The following PPP2R2C variants were observed in gnomAD, a reference collection of about 807,000 sequenced individuals.
PPP2R2C encodes protein phosphatase 2 regulatory subunit Bgamma.
In PPP2R2C, 10 loss-of-function variants were observed where a neutral mutation model predicts 45.3. The ratio of observed to expected loss-of-function variants is 0.22; its 90% CI spans 0.14 to 0.37. The LOEUF is 0.37. Among genes scored for constraint, PPP2R2C ranks in the 10% least tolerant of loss-of-function variants. The probability of loss-of-function intolerance (pLI) is 1.00; values close to 1 mark genes in which losing one functional copy is unlikely to be tolerated. For synonymous variants in PPP2R2C, 257 were observed against 245.4 expected (o/e 1.05, Z -0.44); for missense variants, 308 against 619.7 (o/e 0.50, Z 5.34).
At chr4:6,553,886 CA>C (rs1464402337) in intron 1 of PPP2R2C, among the ~76,000 whole-genome samples, 1 of 152,104 alleles carries the variant, frequency 6.6e-6, no homozygotes, top group Non-Finnish European at 1.5e-5. Context: ...CCTTCTCTAC[CA>C]GGCCACCCAG....
chr4:6,371,085 C>T (rs1013207413), intron 5 of PPP2R2C, among the ~76,000 whole-genome samples: 7 of 152,188 alleles, frequency 4.6e-5, no homozygotes, highest in East Asian at 1.9e-4. Context: ...GGCTCACTGA[C>T]GGCACCCCAC....
At chr4:6,541,902 T>G (rs1265874145) in intron 1 of PPP2R2C, among the ~76,000 whole-genome samples, 1 of 152,206 alleles carries the variant, frequency 6.6e-6, no homozygotes, top group Admixed American at 6.5e-5. Flanking sequence ...GGCAGGAAAT[T>G]GCTGACTGAG....
chr4:6,458,536 A>G (rs536810671), intron 1 of PPP2R2C, among the ~76,000 whole-genome samples: 12 of 152,188 alleles, frequency 7.9e-5, no homozygotes, highest in Non-Finnish European at 1.8e-4. Flanking sequence ...CACCTTTTAA[A>G]TACCCTCACA....
Position 6,324,565 on chromosome 4 carries a change from CACCAG to C in PPP2R2C, c.1053-977_1053-973del, listed in dbSNP as rs1731797447. Among the ~76,000 whole-genome samples the C allele has an allele frequency of 2.6e-5, 4 of 152,310 alleles. No homozygotes were observed. The highest frequency in any genetic ancestry group is 9.6e-5 in the African/African-American group (4 of 41,572). On this transcript the variant is annotated intron_variant, in intron 8 of 8. Transcript: ENST00000382599. The surrounding 1 kb of genome is among the most constrained non-coding windows in gnomAD (Gnocchi z 4.1). ...CATGGAAGCAGCTGGGACAGAAAAC[CACCAG>C]GCCCTGCTTCCCTCCAGGGGCCCGC...
At chr4:6,395,710 C>T (rs1268273017) in intron 1 of PPP2R2C, among the ~76,000 whole-genome samples, 2 of 152,204 alleles carry the variant, frequency 1.3e-5, no homozygotes, top group Non-Finnish European at 2.9e-5. Context: ...GCGCTGGCCC[C>T]GTGACTGCTG....
At chr4:6,543,188 C>T (rs972685245) in intron 1 of PPP2R2C, among the ~76,000 whole-genome samples, 5 of 152,314 alleles carry the variant, frequency 3.3e-5, no homozygotes, top group Admixed American at 6.5e-5. Context: ...GATGCACCAC[C>T]GCAGCCCCTG....
intron 5 of PPP2R2C, chr4:6,349,468 G>A (rs1412425929): frequency 1.0e-6 from 1 of 985,098 alleles, no homozygotes; most frequent in East Asian, 1.1e-4. Flanking sequence ...ATGAATGTCA[G>A]TTTCCATTTT....
At chr4:6,419,252 T>TA (rs1718806750) in intron 1 of PPP2R2C, among the ~76,000 whole-genome samples, 1 of 151,984 alleles carries the variant, frequency 6.6e-6, no homozygotes, top group Non-Finnish European at 1.5e-5. Context: ...ACCCCATCTC[T>TA]ACTAAAAACA....
rs528703606 is a variant in PPP2R2C at position 6,441,470 on chromosome 4, G to T, written c.70+30690C>A. On this transcript the variant is annotated intron_variant, in intron 1 of 8. Coordinates refer to ENST00000382599, the MANE Select transcript of PPP2R2C (RefSeq NM_020416.4). ...CCTGGTTCCCAGCCTGCAAGTCACA[G>T]TCTTGCCCTCCTGAGCTGCCACCAG... 6.6e-4 allele frequency among the ~76,000 whole-genome samples: 101 copies of T among 152,240 alleles called. 1 individual carries two copies. The highest frequency in any genetic ancestry group is 2.3e-3 in the African/African-American group (94 of 41,568).
intron 2 of PPP2R2C, among the ~76,000 whole-genome samples, chr4:6,534,929 C>T (rs1203692003): frequency 3.3e-5 from 5 of 152,238 alleles, no homozygotes; most frequent in Non-Finnish European, 7.3e-5. Flanking sequence ...GGGCACTCAA[C>T]ACTGTTGGCC....
At chr4:6,392,466 G>A (rs1342008111) in intron 1 of PPP2R2C, among the ~76,000 whole-genome samples, 1 of 152,162 alleles carries the variant, frequency 6.6e-6, no homozygotes, top group Non-Finnish European at 1.5e-5. Context: ...TTTTAGCTGG[G>A]GAGGCCAGGG....
chr4:6,452,039 C>A (rs962581300), intron 1 of PPP2R2C, among the ~76,000 whole-genome samples: 1 of 152,120 alleles, frequency 6.6e-6, no homozygotes, highest in Non-Finnish European at 1.5e-5. Flanking sequence ...TCTCCCAAAC[C>A]CACAAATCAC....
intron 5 of PPP2R2C, among the ~76,000 whole-genome samples, chr4:6,363,376 A>G (rs7434644): frequency 0.85 from 128,705 of 151,938 alleles, 56,686 homozygotes; most frequent in East Asian, 1. Context: ...CAGGAGATCG[A>G]GACCATCCTG....
In PPP2R2C at chr4:6,332,761, C is replaced by T. The variant is rs1039697207; in HGVS notation, c.960+801G>A. On this transcript the variant is annotated intron_variant, in intron 7 of 8. Transcript: ENST00000382599. This position sits in a 1 kb window ranked among gnomAD's most constrained non-coding sequence, Gnocchi z 4.9. The stretch of plus-strand genomic sequence containing the variant: ...GAATGGAGGTGACAGATGTCAAGCA[C>T]GTGGCACCCCATGTGTGAGGAGTGA... Among the ~76,000 whole-genome samples, 3 of 152,106 alleles carry T rather than the reference C, an allele frequency of 2.0e-5. No individual in the cohort carries two copies. The highest frequency in any genetic ancestry group is 6.5e-5 in the Admixed American group (1 of 15,284).
At chr4:6,352,951 A>G (rs1712702295) in intron 5 of PPP2R2C, among the ~76,000 whole-genome samples, 1 of 152,138 alleles carries the variant, frequency 6.6e-6, no homozygotes, top group Non-Finnish European at 1.5e-5. Context: ...AGGAGACACC[A>G]GAGGAGAAGG....
intron 1 of PPP2R2C, among the ~76,000 whole-genome samples, chr4:6,443,980 C>T (rs769418985): frequency 5.9e-5 from 9 of 152,164 alleles, no homozygotes; most frequent in Non-Finnish European, 1.2e-4. Context: ...CCCCTGACTG[C>T]GAGAGAGCTT....
At chr4:6,549,540 G>C (rs746760590) in intron 1 of PPP2R2C, among the ~76,000 whole-genome samples, 1 of 152,286 alleles carries the variant, frequency 6.6e-6, no homozygotes, top group South Asian at 2.1e-4. Context: ...TCCTGGGCAC[G>C]ACCCTCCACT....
intron 1 of PPP2R2C, among the ~76,000 whole-genome samples, chr4:6,467,417 C>T (rs1433222129): frequency 6.6e-6 from 1 of 152,104 alleles, no homozygotes; most frequent in East Asian, 1.9e-4. Flanking sequence ...GTGTGACCTG[C>T]CCAATATTAC....
chr4:6,467,866 T>C (rs1675549982), intron 1 of PPP2R2C, among the ~76,000 whole-genome samples: 1 of 152,168 alleles, frequency 6.6e-6, no homozygotes, highest in Non-Finnish European at 1.5e-5. Context: ...GCTCCCCTCA[T>C]GGTGTCAGAT....
Sources: allele counts gnomAD v4.1 joint callset (sites outside exome capture counted in the v4.1 genomes callset), GRCh38; gene constraint gnomAD v4.1.1; non-coding constraint Gnocchi (gnomAD v3.1); transcripts MANE v1.5; gene names NCBI Gene and HGNC (gene_info 2026-07-23, HGNC 2026-07-21).